DNAAF5: variants seen among roughly 807,000 people sequenced by gnomAD.
DNAAF5 encodes the protein HEAT repeat containing 2.
DNAAF5 carries 64 observed loss-of-function variants against 75.8 expected under a neutral mutation model. The observed-to-expected ratio is 0.84, with a 90% CI of 0.69 to 1.04. DNAAF5 has a LOEUF of 1.04. Among genes scored for constraint, DNAAF5 ranks in the 50% least tolerant of loss-of-function variants. The pLI, the probability that DNAAF5 is intolerant of heterozygous loss-of-function variation, is 0.00. For synonymous variants in DNAAF5, 657 were observed against 557.2 expected, an observed-to-expected ratio of 1.18 and a Z score of -2.52; for missense variants, 1,269 against 1,178.5, an observed-to-expected ratio of 1.08 and a Z score of -1.12.
chr7:764,082 C>A, intron 8 of DNAAF5, 108 bp downstream of exon 8: 2 of 1,224,304 alleles, frequency 1.6e-6, no homozygotes, highest in Non-Finnish European at 2.3e-6. Flanking sequence ...AGCTGTGGTT[C>A]ACTGAAGCGT....
rs202226280 is a variant in DNAAF5, at chr7:782,919, C to G, written c.2432-2598C>G. 5.9e-5 allele frequency among the ~76,000 whole-genome samples: 9 copies of G among 152,388 alleles called. No individual in the cohort carries two copies. In the South Asian group the frequency reaches 6.2e-4, roughly 11 times the overall value. The stretch of plus-strand genomic sequence containing the variant: ...AACTCGATCTTCCTGGCGTGGCCAC[C>G]TCCCCTCCGGCGGCATCAGAAACTC... On this transcript the variant is annotated intron_variant, in intron 12 of 12. Transcript: ENST00000297440.
intron 2 of DNAAF5, among the ~76,000 whole-genome samples, chr7:740,380 G>A (rs552030413): frequency 6.6e-6 from 1 of 152,318 alleles, no homozygotes; most frequent in Non-Finnish European, 1.5e-5. Flanking sequence ...GTATGGCCAC[G>A]GTGCACCACA....
At chr7:777,114 G>A (rs925850184) in intron 11 of DNAAF5, among the ~76,000 whole-genome samples, 1 of 152,132 alleles carries the variant, frequency 6.6e-6, no homozygotes, top group Non-Finnish European at 1.5e-5. Flanking sequence ...TGATTCTACA[G>A]GATGATGAGT....
intron 11 of DNAAF5, 27 bp downstream of exon 11, chr7:775,189 T>C (rs780507887): frequency 6.2e-7 from 1 of 1,609,716 alleles, no homozygotes; most frequent in Admixed American, 1.7e-5. Context: ...GTTCACAGCC[T>C]GTGTATATGC....
At chr7:765,935 C>G (rs768220542) in intron 8 of DNAAF5, among the ~76,000 whole-genome samples, 2 of 152,134 alleles carry the variant, frequency 1.3e-5, no homozygotes, top group South Asian at 4.1e-4. Context: ...CTCAAGCGAT[C>G]CTCCTGCCTC....
At chr7:769,688 G>C (rs945314230) in intron 8 of DNAAF5, among the ~76,000 whole-genome samples, 2 of 152,208 alleles carry the variant, frequency 1.3e-5, no homozygotes, top group African/African-American at 4.8e-5. Flanking sequence ...ATGGAGTTTT[G>C]CTCTTGGTGC....
intron 6 of DNAAF5, 73 bp downstream of exon 6, chr7:757,067 C>T (rs184397123): frequency 2.3e-4 from 327 of 1,430,382 alleles, no homozygotes; most frequent in Non-Finnish European, 2.9e-4. Flanking sequence ...ATCGTAATGA[C>T]ATGTCTGTGG....
intron 8 of DNAAF5, among the ~76,000 whole-genome samples, chr7:765,263 C>A (rs1187268700): frequency 6.6e-6 from 1 of 152,214 alleles, no homozygotes; most frequent in African/African-American, 2.4e-5. Context: ...GAACTGTGAC[C>A]CCGTTTCACA....
At chr7:755,658 G>A (rs562453436) in intron 5 of DNAAF5, among the ~76,000 whole-genome samples, 59 of 152,236 alleles carry the variant, frequency 3.9e-4, no homozygotes, top group African/African-American at 1.4e-3. Context: ...TTGAGCCCGG[G>A]AGTTTGAGGC....
chr7:756,704 G>C, intron 5 of DNAAF5, 78 bp from the exon 6 acceptor site: 1 of 1,338,512 alleles, frequency 7.5e-7, no homozygotes, highest in Non-Finnish European at 1.1e-6. Context: ...GTGTCTGGGA[G>C]GCCACGGCGC....
chr7:762,922 C>T (rs1378670472), intron 7 of DNAAF5, among the ~76,000 whole-genome samples: 2 of 152,168 alleles, frequency 1.3e-5, no homozygotes, highest in Non-Finnish European at 2.9e-5. Context: ...CCATTATGCC[C>T]AAAAATCTTT....
chr7:779,331 G>A (rs941749759), intron 11 of DNAAF5, among the ~76,000 whole-genome samples: 10 of 152,242 alleles, frequency 6.6e-5, no homozygotes, highest in African/African-American at 1.9e-4. Flanking sequence ...GGGCCTCCGG[G>A]TGGTTTTGCG....
intron 4 of DNAAF5, among the ~76,000 whole-genome samples, chr7:748,554 G>T (rs1782190699): frequency 6.6e-6 from 1 of 152,150 alleles, no homozygotes; most frequent in South Asian, 2.1e-4. Flanking sequence ...CCACAGCCAG[G>T]CCTCAGCTCC....
chr7:784,485 C>G (rs1414793686), intron 12 of DNAAF5, among the ~76,000 whole-genome samples: 1 of 152,202 alleles, frequency 6.6e-6, no homozygotes, highest in Non-Finnish European at 1.5e-5. Context: ...GATAGACTCC[C>G]CAGCCACTGC....
chr7:762,023 A>C, intron 7 of DNAAF5, 127 bp downstream of exon 7: 1 of 133,460 alleles, frequency 7.5e-6, no homozygotes, highest in Non-Finnish European at 1.2e-5. Context: ...AGGGATTGAG[A>C]ACCTTGCGGG....
intron 7 of DNAAF5, among the ~76,000 whole-genome samples, chr7:762,399 A>G (rs900405425): frequency 1.3e-5 from 2 of 151,590 alleles, no homozygotes; most frequent in Non-Finnish European, 2.9e-5. Flanking sequence ...AGGCAGGAAA[A>G]TTGCTTGAAC....
At chr7:762,993 T>C (rs1782714223) in intron 7 of DNAAF5, among the ~76,000 whole-genome samples, 1 of 152,118 alleles carries the variant, frequency 6.6e-6, no homozygotes, top group Admixed American at 6.5e-5. Flanking sequence ...TGTCTGCCTC[T>C]CTGGAAGCTG....
At chr7:764,993 C>T (rs530712563) in intron 8 of DNAAF5, among the ~76,000 whole-genome samples, 7 of 151,798 alleles carry the variant, frequency 4.6e-5, no homozygotes, top group Non-Finnish European at 8.8e-5. Flanking sequence ...TGGTGGTGTG[C>T]GCCTGTGGCC....
At chr7:769,430 A>G (rs1583511858) in intron 8 of DNAAF5, among the ~76,000 whole-genome samples, 2 of 151,584 alleles carry the variant, frequency 1.3e-5, no homozygotes, top group East Asian at 1.9e-4. Context: ...TGCAGTGGGG[A>G]CCCCTTGGGG....
Sources: gnomAD v4.1 joint callset for allele counts (sites outside exome capture counted in the v4.1 genomes callset) on GRCh38, gnomAD v4.1.1 for gene constraint, MANE v1.5 for transcripts, NCBI Gene and HGNC (gene_info 2026-07-23, HGNC 2026-07-21) for gene names.